The following XRRA1 variants were observed in gnomAD, a reference collection of about 807,000 sequenced individuals.
XRRA1 encodes the protein X-ray radiation resistance-associated protein 1.
In XRRA1, 69 loss-of-function variants were observed where a neutral mutation model predicts 80.2. The observed-to-expected ratio is 0.86, with a 90% CI of 0.71 to 1.05. The LOEUF is 1.05. Ranked by LOEUF, XRRA1 falls within the 50% of genes least tolerant of loss-of-function variation. The probability of loss-of-function intolerance (pLI) is 0.00; values close to 1 mark genes in which losing one functional copy is unlikely to be tolerated. For missense variants in XRRA1, 967 were observed against 976.4 expected (o/e 0.99, Z 0.13); for synonymous variants, 348 against 389.9 (o/e 0.89, Z 1.27).
chr11:74,915,950 C>T (rs977449552), intron 8 of XRRA1, among the ~76,000 whole-genome samples: 1 of 152,118 alleles, frequency 6.6e-6, no homozygotes, highest in African/African-American at 2.4e-5. Context: ...TCCTGATTGA[C>T]AGGTTTTTTT....
Position 74,898,094 on chromosome 11 carries a change from C to A in XRRA1, c.1003+8145G>T, listed in dbSNP as rs192535704. 3.7e-4 allele frequency among the ~76,000 whole-genome samples: 57 copies of A among 152,110 alleles called. 1 individual carries two copies. In the East Asian group the frequency reaches 0.01, roughly 27 times the overall value. On this transcript the variant is annotated intron_variant, in intron 10 of 18. Transcript: ENST00000684022. ...TAGTATAATAAGACATAAATAGAAA[C>A]AACAAAAAGTTAGTAAGTTGGGGGA...
At chr11:74,859,052 T>G in intron 12 of XRRA1, 106 bp downstream of exon 12, 1 of 1,392,056 alleles carries the variant, frequency 7.2e-7, no homozygotes, top group Non-Finnish European at 9.4e-7. Context: ...CCCATGTACC[T>G]GTAATGCAGG....
chr11:74,928,510 A>G (rs564753587), intron 6 of XRRA1, among the ~76,000 whole-genome samples: 1 of 152,288 alleles, frequency 6.6e-6, no homozygotes, highest in Non-Finnish European at 1.5e-5. Flanking sequence ...TGACAGTCTC[A>G]CTGTCTTGTA....
chr11:74,876,349 C>A (rs565989504), intron 10 of XRRA1: 2 of 152,236 alleles, frequency 1.3e-5, no homozygotes, highest in South Asian at 4.1e-4. Flanking sequence ...GTAAGAAATA[C>A]CCCTTCAAAG....
chr11:74,912,882 T>G (rs1283738686), intron 8 of XRRA1, among the ~76,000 whole-genome samples: 1 of 152,204 alleles, frequency 6.6e-6, no homozygotes, highest in Non-Finnish European at 1.5e-5. Flanking sequence ...ATATAGAACA[T>G]TTCCAACACT....
rs2078787101 is a variant in XRRA1, at chr11:74,845,181, CCT to C, written c.1817_1818del (p.Glu606GlyfsTer21). ...DQKKPPTAPR[E>X]VKGTRRKLPT... ...GGGAGTTTCCTCCGAGTCCCTTTCACCTCTCTGGGTGCCGTTGGTGGTTTCTT... is the reference window on the plus strand; with the variant it reads ...GGGAGTTTCCTCCGAGTCCCTTTCACCTCTGGGTGCCGTTGGTGGTTTCTT... On this transcript the variant is annotated frameshift_variant, in exon 16 of 19. Transcript: ENST00000684022. LOFTEE classifies it high-confidence loss of function. The C allele has an allele frequency of 1.2e-6, 2 of 1,614,094 alleles. No individual in the cohort carries two copies. Among genetic ancestry groups the C allele is most frequent in the Non-Finnish European group, 1.7e-6 (2 of 1,179,910 alleles).
chr11:74,899,633 G>T (rs2053158782), intron 10 of XRRA1, among the ~76,000 whole-genome samples: 2 of 152,168 alleles, frequency 1.3e-5, no homozygotes, highest in African/African-American at 4.8e-5. Flanking sequence ...ACAACTATAT[G>T]CCAATAAATT....
chr11:74,863,715 A>G (rs953541647), intron 10 of XRRA1: 2 of 152,248 alleles, frequency 1.3e-5, no homozygotes, highest in African/African-American at 4.8e-5. Flanking sequence ...CACCTTCTAC[A>G]TGTTAATGAT....
At chr11:74,849,604 C>T (rs945179336) in intron 14 of XRRA1, among the ~76,000 whole-genome samples, 3 of 152,128 alleles carry the variant, frequency 2.0e-5, no homozygotes, top group Admixed American at 6.5e-5. Flanking sequence ...TCTCATGGCT[C>T]TGTGAGAGAG....
intron 2 of XRRA1, among the ~76,000 whole-genome samples, chr11:74,944,413 G>A (rs1261426046): frequency 6.6e-6 from 1 of 152,138 alleles, no homozygotes; most frequent in East Asian, 1.9e-4. Context: ...CAATATCAAT[G>A]GTAGTCATCA....
At chr11:74,889,943 A>T (rs553471648) in intron 10 of XRRA1, among the ~76,000 whole-genome samples, 7 of 152,292 alleles carry the variant, frequency 4.6e-5, no homozygotes, top group South Asian at 2.1e-4. Flanking sequence ...CTCCCACACA[A>T]TAATAATGGG....
At chr11:74,891,188 C>G (rs2050597398) in intron 10 of XRRA1, among the ~76,000 whole-genome samples, 1 of 152,192 alleles carries the variant, frequency 6.6e-6, no homozygotes, top group Non-Finnish European at 1.5e-5. Context: ...AGCAGCACAT[C>G]AAAAAGCTTA....
In XRRA1 at chr11:74,843,352, G is replaced by C. The variant is rs1163069859; in HGVS notation, c.2251C>G (p.Leu751Val). 1 of 1,611,056 alleles carries C rather than the reference G, an allele frequency of 6.2e-7. No homozygotes were observed. The highest frequency in any genetic ancestry group is 1.7e-5 in the Admixed American group (1 of 59,600). Residue 751 changes from leucine to valine, a missense_variant, in exon 19 of 19, where the codon CTG (leucine) becomes GTG (valine). Physicochemically the swap from Leu to Val is conservative, Grantham distance 32 (BLOSUM62 1). Transcript: ENST00000684022. Reference protein sequence around the residue: ...LKEFQARYRQLVSGSLRTVFG... With the variant: ...LKEFQARYRQVVSGSLRTVFG... ...ACTGTGCGCAGAGAGCCACTCACCA[G>C]CTGCCGGTAACGTGCCTGGAACTCC...
chr11:74,932,286 C>T (rs1943799183), intron 5 of XRRA1, among the ~76,000 whole-genome samples: 1 of 152,226 alleles, frequency 6.6e-6, no homozygotes, highest in South Asian at 2.1e-4. Flanking sequence ...ATCCACTCAT[C>T]CCGTGGGTCT....
chr11:74,893,141 G>C (rs1307976352), intron 10 of XRRA1, among the ~76,000 whole-genome samples: 1 of 152,138 alleles, frequency 6.6e-6, no homozygotes, highest in Non-Finnish European at 1.5e-5. Context: ...CAATAGCAAA[G>C]ACTTGGAACC....
At chr11:74,917,710 T>C (rs1172353470) in intron 8 of XRRA1, among the ~76,000 whole-genome samples, 2 of 152,170 alleles carry the variant, frequency 1.3e-5, no homozygotes, top group Non-Finnish European at 2.9e-5. Flanking sequence ...CCTCTTACAA[T>C]TATATCTAAT....
chr11:74,844,044 G>A, intron 17 of XRRA1, 85 bp from the exon 18 acceptor site: 1 of 1,469,970 alleles, frequency 6.8e-7, no homozygotes, highest in Non-Finnish European at 9.5e-7. Context: ...ACAGCAACAG[G>A]CTGGGGGGCA....
intron 10 of XRRA1, among the ~76,000 whole-genome samples, chr11:74,895,507 G>A (rs768841367): frequency 6.6e-6 from 1 of 152,226 alleles, no homozygotes; most frequent in African/African-American, 2.4e-5. Flanking sequence ...CACAAGAGCT[G>A]TAATTCTTAG....
rs1474784623 is a variant in XRRA1 at position 74,859,215 on chromosome 11, G to T, written c.1113C>A (p.Asn371Lys). ...ILPVKSLKARNQTLAPPFPEL... is the reference protein window; with the variant it reads ...ILPVKSLKARKQTLAPPFPEL... ...CTGGGAAGGGTGGGGCCAGCGTCTG[G>T]TTCCTGGCCTTCAGTGACTTCACAG... Residue 371 changes from asparagine to lysine, a missense_variant, in exon 12 of 19, where the codon AAC becomes AAA. Physicochemically the swap from Asn to Lys is moderately conservative, Grantham distance 94 (BLOSUM62 0). Transcript: ENST00000684022. 6.2e-7 allele frequency: 1 copy of T among 1,610,272 alleles called. No individual in the cohort carries two copies. The highest frequency in any genetic ancestry group is 8.5e-7 in the Non-Finnish European group (1 of 1,178,516).
Sources: allele counts gnomAD v4.1 joint callset (sites outside exome capture counted in the v4.1 genomes callset), GRCh38; gene constraint gnomAD v4.1.1; transcripts MANE v1.5; gene names NCBI Gene and HGNC (gene_info 2026-07-23, HGNC 2026-07-21).